BBS7: variants seen among roughly 807,000 people sequenced by gnomAD.
BBS7 encodes Bardet-Biedl syndrome 7.
BBS7 carries 50 observed loss-of-function variants against 90.3 expected under a neutral mutation model. The observed-to-expected ratio is 0.55, with a 90% CI of 0.44 to 0.70. BBS7 has a LOEUF of 0.70. Among genes scored for constraint, BBS7 ranks in the 30% least tolerant of loss-of-function variants. The pLI, the probability that BBS7 is intolerant of heterozygous loss-of-function variation, is 0.00. For missense variants in BBS7, 729 were observed against 838.9 expected (o/e 0.87, Z 1.62); for synonymous variants, 235 against 287.4 (o/e 0.82, Z 1.85).
At position 121,861,386 on chromosome 4, in the gene BBS7, C is replaced by A. The variant is rs1395548463; in HGVS notation, c.341+118G>T. 1.6e-5 allele frequency: 15 copies of A among 960,390 alleles called. No homozygotes were observed. The East Asian group carries it at 4.1e-4, about 26-fold the overall frequency. 59.5% of individuals were successfully genotyped at this position (960,390 alleles called of 1,614,324 possible). ...AATTTAGTTTCTGACTAATAAAATA[C>A]CTTTAGTTAATTTTATTTTCCAGAA... On this transcript the variant is annotated intron_variant, in intron 4 of 18. Transcript: ENST00000264499.
intron 8 of BBS7, among the ~76,000 whole-genome samples, chr4:121,851,127 C>T (rs1245023918): frequency 2.0e-5 from 3 of 152,068 alleles, no homozygotes; most frequent in South Asian, 2.1e-4. Context: ...TAGAAACACG[C>T]ACATTCTCAC....
chr4:121,861,548 C>CCTCT lies in BBS7; in HGVS notation c.296_297insAGAG (p.Phe100GlufsTer6). 1 of 1,613,456 alleles carries CCTCT rather than the reference C, an allele frequency of 6.2e-7. No homozygotes were observed. The highest frequency in any genetic ancestry group is 1.1e-5 in the South Asian group (1 of 91,044). ...TGAGGTTTGTTTCAAAGGAGAGGAACTGTTTTCCTCTTTTTGTGAAGCCTC... is the reference window on the plus strand; with the variant it reads ...TGAGGTTTGTTTCAAAGGAGAGGAACCTCTTGTTTTCCTCTTTTTGTGAAGCCTC... On this transcript the variant is annotated frameshift_variant, in exon 4 of 19. Coordinates refer to ENST00000264499, the MANE Select transcript of BBS7 (RefSeq NM_176824.3). LOFTEE classifies it high-confidence loss of function.
chr4:121,829,086 G>A (rs564699519), intron 15 of BBS7, among the ~76,000 whole-genome samples: 1 of 152,206 alleles, frequency 6.6e-6, no homozygotes, highest in South Asian at 2.1e-4. Context: ...ACATAAGTAT[G>A]TTTTTCTTTC....
At chr4:121,844,763 C>T (rs1725918790) in intron 11 of BBS7, among the ~76,000 whole-genome samples, 2 of 151,944 alleles carry the variant, frequency 1.3e-5, no homozygotes, top group African/African-American at 4.8e-5. Context: ...CTTTAGTATT[C>T]TCTACTTTGC....
At chr4:121,848,711 G>T in intron 9 of BBS7, 133 bp downstream of exon 9, 1 of 691,792 alleles carries the variant, frequency 1.4e-6, no homozygotes, top group Non-Finnish European at 2.5e-6. Flanking sequence ...TGGGGGTCTT[G>T]GAATGGATTC....
At position 121,824,590 on chromosome 4, in the gene BBS7, AAT is replaced by A. The variant is rs1724821200; in HGVS notation, c.*1268_*1269del. The A allele has an allele frequency of 6.6e-6, 1 of 152,168 alleles. No homozygotes were observed. The highest frequency in any genetic ancestry group is 2.4e-5 in the African/African-American group (1 of 41,448). The allele number at this position is 152,168 out of a possible 1,614,324, so 9.4% of individuals were successfully genotyped here. ...ATAGCAGTGCATTACAAAATATTCA[AAT>A]ACAGTCATTAATTTTTTTCTATTTT... On this transcript the variant is annotated 3_prime_UTR_variant, in exon 19 of 19. Coordinates refer to ENST00000264499, the MANE Select transcript of BBS7 (RefSeq NM_176824.3). The surrounding 1 kb of genome is among the most constrained non-coding windows in gnomAD (Gnocchi z 4.1).
At chr4:121,849,004 T>C (rs1482223484) in intron 8 of BBS7, 76 bp from the exon 9 acceptor site, 1 of 1,107,138 alleles carries the variant, frequency 9.0e-7, no homozygotes, top group Non-Finnish European at 1.4e-6. Flanking sequence ...CCACACAACG[T>C]TTTCCCTGGC....
At chr4:121,861,472 T>C (rs1027846836) in intron 4 of BBS7, 32 bp downstream of exon 4, 5 of 1,593,040 alleles carry the variant, frequency 3.1e-6, no homozygotes, top group Non-Finnish European at 4.3e-6. Flanking sequence ...TAAATAAGTA[T>C]GTAAAAATAC....
intron 4 of BBS7, 125 bp downstream of exon 4, chr4:121,861,379 T>A: frequency 1.0e-6 from 1 of 958,424 alleles, no homozygotes; most frequent in South Asian, 1.7e-5. Context: ...TTCTGACTAA[T>A]AAAATACCTT....
chr4:121,835,253 G>A lies in BBS7; in HGVS notation c.1402C>T (p.Leu468=). The change falls in exon 14 of 19, where the codon CTA becomes TTA. Residue 468 remains leucine (L), a synonymous_variant. Transcript: ENST00000264499. ...IRSIEGQYGT[L]QAYVTPRIQP... is the part of the protein sequence containing the mutation. The stretch of plus-strand genomic sequence containing the variant: ...ATTCTTGGAGTCACATATGCTTGTA[G>A]TGTGCCATACTGGCCTTCAATTGAG... 6.2e-7 allele frequency: 1 copy of A among 1,613,818 alleles called. No homozygotes were observed. Among genetic ancestry groups the A allele is most frequent in the Non-Finnish European group, 8.5e-7 (1 of 1,179,818 alleles).
chr4:121,860,623 T>C (rs1408020579), intron 4 of BBS7, among the ~76,000 whole-genome samples: 3 of 152,180 alleles, frequency 2.0e-5, no homozygotes, highest in African/African-American at 4.8e-5. Flanking sequence ...ATAATTATCA[T>C]TGGCCATGTC....
Position 121,868,684 on chromosome 4 carries a change from C to CAAAAAAAAAAAAAAA in BBS7, c.37-653_37-639dup, listed in dbSNP as rs34910805. ...TGCGTGACAGAACAAGACCCTGTTTCAAAAAAAAAAAAAAAAAAAAAAAAA... is the reference window on the plus strand; with the variant it reads ...TGCGTGACAGAACAAGACCCTGTTTCAAAAAAAAAAAAAAAAAAAAAAAAAAAAAAAAAAAAAAAA... On this transcript the variant is annotated intron_variant, in intron 1 of 18. Coordinates refer to ENST00000264499, the MANE Select transcript of BBS7 (RefSeq NM_176824.3). 2.4e-4 allele frequency among the ~76,000 whole-genome samples: 12 copies of CAAAAAAAAAAAAAAA among 49,684 alleles called. 5 individuals carry two copies. The highest frequency in any genetic ancestry group is 7.2e-4 in the African/African-American group (8 of 11,056). 32.6% of individuals were successfully genotyped at this position (49,684 alleles called of 152,430 possible).
chr4:121,868,079 A>T (rs1727383320), intron 1 of BBS7, 33 bp from the exon 2 acceptor site: 1 of 1,546,572 alleles, frequency 6.5e-7, no homozygotes, highest in African/African-American at 1.4e-5. Flanking sequence ...TAGTGAATTT[A>T]ATTTGAAGTT....
chr4:121,832,303 C>A (rs571996494), intron 15 of BBS7, among the ~76,000 whole-genome samples: 1 of 152,222 alleles, frequency 6.6e-6, no homozygotes, highest in Admixed American at 6.5e-5. Flanking sequence ...ACCTGGGTGA[C>A]AGAGTGAGAT....
chr4:121,844,111 A>T (rs1725879672), intron 11 of BBS7, 110 bp from the exon 12 acceptor site: 1 of 683,936 alleles, frequency 1.5e-6, no homozygotes, highest in African/African-American at 1.8e-5. Context: ...TTCATCTTTA[A>T]ATTTGAGAGT....
chr4:121,829,133 T>A (rs1418332498), intron 15 of BBS7, among the ~76,000 whole-genome samples: 1 of 152,202 alleles, frequency 6.6e-6, no homozygotes, highest in East Asian at 1.9e-4. Context: ...CTATATGCTT[T>A]ATCCTTAAAA....
chr4:121,848,768 A>G (rs949199879), intron 9 of BBS7, 76 bp downstream of exon 9: 2 of 1,218,684 alleles, frequency 1.6e-6, no homozygotes, highest in African/African-American at 3.0e-5. Flanking sequence ...AAAAAGAGTC[A>G]TCAAAAGCAG....
intron 11 of BBS7, among the ~76,000 whole-genome samples, chr4:121,844,310 C>T (rs961393352): frequency 6.6e-6 from 1 of 152,148 alleles, no homozygotes; most frequent in South Asian, 2.1e-4. Context: ...AAAAATGTTA[C>T]CATGAGCTAT....
intron 2 of BBS7, among the ~76,000 whole-genome samples, chr4:121,865,188 T>C (rs1213022581): frequency 1.1e-4 from 16 of 152,120 alleles, no homozygotes; most frequent in African/African-American, 3.1e-4. Context: ...AAACATAATG[T>C]CCTCCAGTTC....
Sources: gnomAD v4.1 joint callset for allele counts (sites outside exome capture counted in the v4.1 genomes callset) on GRCh38, gnomAD v4.1.1 for gene constraint, Gnocchi (gnomAD v3.1) non-coding constraint, MANE v1.5 for transcripts, NCBI Gene and HGNC (gene_info 2026-07-23, HGNC 2026-07-21) for gene names.